PLXNA4: variants seen among roughly 807,000 people sequenced by gnomAD.
PLXNA4 encodes plexin-A4.
A neutral mutation model predicts 191.8 loss-of-function variants in PLXNA4; 44 were observed. That is an observed-to-expected ratio of 0.23 (90% CI 0.18 to 0.29). The LOEUF (loss-of-function observed/expected upper bound fraction) is 0.29. PLXNA4 is among the 10% of genes least tolerant of loss of function. The pLI, the probability that PLXNA4 is intolerant of heterozygous loss-of-function variation, is 1.00. For missense variants in PLXNA4, 1,800 were observed against 2,488.8 expected, an observed-to-expected ratio of 0.72 and a Z score of 5.89; for synonymous variants, 1,082 against 1,009.5, an observed-to-expected ratio of 1.07 and a Z score of -1.36.
In PLXNA4 at chr7:132,556,438, G is replaced by T. The variant is rs555833072; in HGVS notation, c.-87+19984C>A. On this transcript the variant is annotated intron_variant, in intron 1 of 31. Coordinates refer to ENST00000321063, the MANE Select transcript of PLXNA4 (RefSeq NM_020911.2). ...GTTACTAACAAATATTGGTAGGTAG[G>T]GTAGAATTGAGTCTGCAACTTGCTT... Among the ~76,000 whole-genome samples the T allele has an allele frequency of 9.8e-5, 15 of 152,356 alleles. No individual in the cohort carries two copies. The East Asian group carries it at 2.7e-3, about 27-fold the overall frequency.
intron 2 of PLXNA4, among the ~76,000 whole-genome samples, chr7:132,610,258 G>T (rs751216328): frequency 5.0e-4 from 76 of 152,148 alleles, no homozygotes; most frequent in Non-Finnish European, 1.1e-3. Flanking sequence ...GGAATTTCTG[G>T]GAAGATGGGA....
intron 3 of PLXNA4, among the ~76,000 whole-genome samples, chr7:132,306,873 G>A (rs895127722): frequency 5.9e-5 from 9 of 152,148 alleles, no homozygotes; most frequent in African/African-American, 2.2e-4. Flanking sequence ...GAGGACAGGT[G>A]ATACAACCGT....
rs150081508 is a variant in PLXNA4 at position 132,280,674 on chromosome 7, C to T, written c.1503+17417G>A. ...TACCAAGGAATAGAAAGTGACCACA[C>T]CCACTTTACCCACTCCTTTGCACCG... On this transcript the variant is annotated intron_variant, in intron 4 of 31. Coordinates refer to ENST00000321063, the MANE Select transcript of PLXNA4 (RefSeq NM_020911.2). 5.7e-3 allele frequency among the ~76,000 whole-genome samples: 861 copies of T among 152,296 alleles called. 5 individuals carry two copies. The highest frequency in any genetic ancestry group is 0.02 in the African/African-American group (831 of 41,562).
At chr7:132,168,082 C>A (rs1584786980) in intron 22 of PLXNA4, among the ~76,000 whole-genome samples, 2 of 152,184 alleles carry the variant, frequency 1.3e-5, no homozygotes, top group East Asian at 3.9e-4. Flanking sequence ...GGCAAGAGAA[C>A]AAGAGGGTGA....
At chr7:132,562,779 C>T (rs1200470515) in intron 1 of PLXNA4, among the ~76,000 whole-genome samples, 6 of 90,886 alleles carry the variant, frequency 6.6e-5, no homozygotes, top group Non-Finnish European at 1.1e-4. Flanking sequence ...CTTTTCCTCC[C>T]CCTCTTCTTT....
chr7:132,186,884 C>T (rs529418958), intron 15 of PLXNA4, among the ~76,000 whole-genome samples: 1 of 152,254 alleles, frequency 6.6e-6, no homozygotes, highest in South Asian at 2.1e-4. Context: ...AAATTCGCCA[C>T]AAGATCAGAA....
At chr7:132,382,292 C>A (rs1350745033) in intron 3 of PLXNA4, among the ~76,000 whole-genome samples, 2 of 152,182 alleles carry the variant, frequency 1.3e-5, no homozygotes, top group African/African-American at 4.8e-5. Flanking sequence ...AGCATGAGCC[C>A]TTCATGGTTG....
intron 3 of PLXNA4, among the ~76,000 whole-genome samples, chr7:132,474,064 AAAC>A (rs1418784221): frequency 1.4e-5 from 2 of 139,950 alleles, no homozygotes; most frequent in South Asian, 2.2e-4. Context: ...AAACAAAACA[AAAC>A]AAAAAAAAAC....
chr7:132,214,666 C>T (rs1315325889), intron 9 of PLXNA4, among the ~76,000 whole-genome samples: 1 of 152,104 alleles, frequency 6.6e-6, no homozygotes, highest in African/African-American at 2.4e-5. Flanking sequence ...TCATGTTCCT[C>T]CAGGATGTGA....
chr7:132,523,484 C>T (rs1388399374), intron 1 of PLXNA4, among the ~76,000 whole-genome samples: 23 of 152,170 alleles, frequency 1.5e-4, no homozygotes, highest in Admixed American at 1.2e-3. Flanking sequence ...AGAAGGCCGA[C>T]GGGCTGGAAG....
chr7:132,425,829 A>G (rs1795019633), intron 3 of PLXNA4, among the ~76,000 whole-genome samples: 3 of 152,306 alleles, frequency 2.0e-5, no homozygotes, highest in Admixed American at 2.0e-4. Flanking sequence ...TGGGGGCGGG[A>G]GCTGGGGGCT....
chr7:132,489,591 T>A (rs1294223657), intron 2 of PLXNA4, 117 bp from the exon 3 acceptor site: 3 of 946,548 alleles, frequency 3.2e-6, no homozygotes, highest in Non-Finnish European at 4.5e-6. Flanking sequence ...CTGGTAACAA[T>A]CCCTCTTTTT....
intron 3 of PLXNA4, among the ~76,000 whole-genome samples, chr7:132,417,212 G>T (rs534221155): frequency 3.3e-5 from 5 of 152,160 alleles, no homozygotes; most frequent in Non-Finnish European, 7.3e-5. Context: ...GACCAGGGCT[G>T]TGGGGGAGCC....
At chr7:132,431,715 C>T (rs1308225776) in intron 3 of PLXNA4, among the ~76,000 whole-genome samples, 8 of 152,164 alleles carry the variant, frequency 5.3e-5, no homozygotes, top group Non-Finnish European at 1.0e-4. Flanking sequence ...GCAGAGAGAG[C>T]ACAGGCCCTG....
At chr7:132,141,727 CTTTCTTTCT>C (rs1480903963) in intron 29 of PLXNA4, among the ~76,000 whole-genome samples, 1 of 151,928 alleles carries the variant, frequency 6.6e-6, no homozygotes, top group Non-Finnish European at 1.5e-5. Flanking sequence ...CTTTCCTTTC[CTTTCTTTCT>C]TTTTCTTTCT....
Position 132,392,447 on chromosome 7 carries a change from G to T in PLXNA4, c.1372-94225C>A, listed in dbSNP as rs139196013. ...GTGCGGACACTGTTTCTCCCAATCT[G>T]TCCTCACAATCTTTCCAGGGCTGCC... On this transcript the variant is annotated intron_variant, in intron 3 of 31. Coordinates refer to ENST00000321063, the MANE Select transcript of PLXNA4 (RefSeq NM_020911.2). Among the ~76,000 whole-genome samples the T allele has an allele frequency of 7.1e-3, 1,083 of 152,292 alleles. 5 individuals are homozygous for T. The highest frequency in any genetic ancestry group is 0.012 in the Non-Finnish European group (840 of 68,024).
At chr7:132,575,898 G>A (rs185600305) in intron 1 of PLXNA4, among the ~76,000 whole-genome samples, 2 of 152,256 alleles carry the variant, frequency 1.3e-5, no homozygotes, top group African/African-American at 4.8e-5. Context: ...CGGGCGCTGG[G>A]CCACCACTCT....
At chr7:132,242,636 T>C (rs1354925494) in intron 4 of PLXNA4, among the ~76,000 whole-genome samples, 3 of 152,206 alleles carry the variant, frequency 2.0e-5, no homozygotes, top group African/African-American at 7.2e-5. Context: ...CAAGCAACCT[T>C]TTAGCTTACC....
chr7:132,583,371 T>C (rs1307866568), intron 2 of PLXNA4, among the ~76,000 whole-genome samples: 1 of 152,068 alleles, frequency 6.6e-6, no homozygotes, highest in Non-Finnish European at 1.5e-5. Context: ...AAAAAGAGAC[T>C]AGAAGCGAGA....
Sources: gnomAD v4.1 joint callset for allele counts (sites outside exome capture counted in the v4.1 genomes callset) on GRCh38, gnomAD v4.1.1 for gene constraint, MANE v1.5 for transcripts, NCBI Gene and HGNC (gene_info 2026-07-23, HGNC 2026-07-21) for gene names.